Variants in EHD2 observed in about 807,000 individuals in gnomAD.
EHD2 encodes EH domain-containing protein 2.
EHD2 carries 27 observed loss-of-function variants against 41.0 expected under a neutral mutation model. The observed-to-expected ratio is 0.66, with a 90% CI of 0.49 to 0.91. The LOEUF is 0.91. Among genes scored for constraint, EHD2 ranks in the 40% least tolerant of loss-of-function variants. The pLI, the probability that EHD2 is intolerant of heterozygous loss-of-function variation, is 0.00. For synonymous variants in EHD2, 342 were observed against 341.0 expected, an observed-to-expected ratio of 1.00 and a Z score of -0.03; for missense variants, 673 against 773.9, an observed-to-expected ratio of 0.87 and a Z score of 1.55.
At chr19:47,713,911 C>T (rs1449704169) in intron 1 of EHD2, among the ~76,000 whole-genome samples, 1 of 151,942 alleles carries the variant, frequency 6.6e-6, no homozygotes, top group African/African-American at 2.4e-5. Flanking sequence ...CCTCTCCTGC[C>T]TCACCAGCTC....
At chr19:47,739,858 C>T (rs982825538) in intron 5 of EHD2, among the ~76,000 whole-genome samples, 13 of 151,728 alleles carry the variant, frequency 8.6e-5, no homozygotes, top group African/African-American at 3.1e-4. Flanking sequence ...GAAAGCTATA[C>T]TTGATGCGAA....
rs187422827 is a variant in EHD2 at position 47,719,051 on chromosome 19, G to A, written c.502+445G>A. Among the ~76,000 whole-genome samples the A allele has an allele frequency of 2.0e-5, 3 of 152,302 alleles. No individual in the cohort carries two copies. Among genetic ancestry groups the A allele is most frequent in the Non-Finnish European group, 2.9e-5 (2 of 68,010 alleles). On this transcript the variant is annotated intron_variant, in intron 3 of 5. Coordinates refer to ENST00000263277, the MANE Select transcript of EHD2 (RefSeq NM_014601.4). The surrounding 1 kb of genome is among the most constrained non-coding windows in gnomAD (Gnocchi z 4.1). ...CCTGTGTCCTCTGGCCCTGGCTGGC[G>A]GGGCAGCCGCAGGGAGCTAGTGGAA...
At chr19:47,728,103 A>T (rs983788576) in intron 4 of EHD2, among the ~76,000 whole-genome samples, 1 of 150,342 alleles carries the variant, frequency 6.7e-6, no homozygotes, top group East Asian at 1.9e-4. Context: ...CTCAAAATAA[A>T]AAAAAAAAAA....
chr19:47,716,233 C>A (rs1973623512), intron 1 of EHD2, among the ~76,000 whole-genome samples: 1 of 151,972 alleles, frequency 6.6e-6, no homozygotes, highest in Admixed American at 6.6e-5. Flanking sequence ...CATGCACCAC[C>A]ATGCCCAGCT....
At position 47,725,912 on chromosome 19, in the gene EHD2, A is replaced by T. The variant is rs8111184; in HGVS notation, c.603A>T (p.Ser201=). 1 of 1,613,742 alleles carries T rather than the reference A, an allele frequency of 6.2e-7. No homozygotes were observed. Among genetic ancestry groups the T allele is most frequent in the Non-Finnish European group, 8.5e-7 (1 of 1,179,708 alleles). ...AGCTGGAGATCTCGGACGAGTTCTC[A>T]GAGGCCATCGGCGCGTTGCGGGGCC... is the stretch of plus-strand genomic sequence containing the variant. ...AHKLEISDEF[S]EAIGALRGHE... The change falls in exon 4 of 6, where the codon TCA becomes TCT. Residue 201 remains serine (S), a synonymous_variant. Coordinates refer to ENST00000263277, the MANE Select transcript of EHD2 (RefSeq NM_014601.4).
chr19:47,720,956 G>C (rs931207208), intron 3 of EHD2, among the ~76,000 whole-genome samples: 1 of 152,048 alleles, frequency 6.6e-6, no homozygotes, highest in East Asian at 1.9e-4. Context: ...GTGTGCGACT[G>C]TGTCTGTGTG....
At chr19:47,730,496 C>T (rs967476114) in intron 4 of EHD2, among the ~76,000 whole-genome samples, 1 of 152,102 alleles carries the variant, frequency 6.6e-6, no homozygotes, top group Non-Finnish European at 1.5e-5. Flanking sequence ...CGTGTCGCAC[C>T]CCCACCCCTG....
intron 4 of EHD2, chr19:47,731,314 A>ATACATATATATATAT (rs1160770476): frequency 2.6e-5 from 3 of 113,992 alleles, no homozygotes; most frequent in Non-Finnish European, 3.9e-5. Flanking sequence ...ATATATATAT[A>ATACATATATATATAT]ATTTTTTTTT....
Position 47,726,379 on chromosome 19 carries a change from C to G in EHD2, c.915+155C>G, listed in dbSNP as rs182172239. The G allele has an allele frequency of 3.0e-5, 25 of 842,544 alleles. No homozygotes were observed. In the African/African-American group the frequency reaches 3.6e-4, roughly 12 times the overall value. 52.2% of individuals were successfully genotyped at this position (842,544 alleles called of 1,614,324 possible). ...CACAGAGTGAAGCCGGGAGGAAGAA[C>G]TGTATGGAGAGACTCATTCCTCTGC... On this transcript the variant is annotated intron_variant, in intron 4 of 5. Transcript: ENST00000263277.
At chr19:47,733,839 T>C (rs1422505405) in intron 4 of EHD2, among the ~76,000 whole-genome samples, 1 of 149,678 alleles carries the variant, frequency 6.7e-6, no homozygotes, top group Non-Finnish European at 1.5e-5. Flanking sequence ...GTCTTAGTAT[T>C]GTTCTTAAAA....
Position 47,725,936 on chromosome 19 carries a change from C to T in EHD2, c.627C>T (p.Gly209=), listed in dbSNP as rs190123450. ...EFSEAIGALR[G]HEDKIRVVLN... ...CAGAGGCCATCGGCGCGTTGCGGGGCCATGAGGACAAGATCCGCGTGGTGC... is the reference window on the plus strand; with the variant it reads ...CAGAGGCCATCGGCGCGTTGCGGGGTCATGAGGACAAGATCCGCGTGGTGC... Residue 209 remains glycine, a synonymous_variant, in exon 4 of 6, where the codon GGC becomes GGT. Coordinates refer to ENST00000263277, the MANE Select transcript of EHD2 (RefSeq NM_014601.4). 1.1e-5 allele frequency: 17 copies of T among 1,613,962 alleles called. No homozygotes were observed. The East Asian group carries it at 3.6e-4, about 34-fold the overall frequency.
At chr19:47,718,889 AG>A (rs1479502429) in intron 3 of EHD2, among the ~76,000 whole-genome samples, 7 of 104,482 alleles carry the variant, frequency 6.7e-5, no homozygotes, top group African/African-American at 2.8e-4. Context: ...GGTCTGAGGG[AG>A]GAGGAGCTGG....
intron 3 of EHD2, among the ~76,000 whole-genome samples, chr19:47,722,011 C>G (rs1375568892): frequency 2.3e-5 from 1 of 42,608 alleles, no homozygotes; most frequent in East Asian, 5.0e-4. Context: ...AAAAACAAAA[C>G]ACACACACAC....
Position 47,742,164 on chromosome 19 carries a change from C to CT in EHD2, c.*738dup, listed in dbSNP as rs1425695588. 1 of 338,300 alleles carries CT rather than the reference C, an allele frequency of 3.0e-6. No individual in the cohort carries two copies. Among genetic ancestry groups the CT allele is most frequent in the South Asian group, 2.3e-5 (1 of 44,386 alleles). 21.0% of individuals were successfully genotyped at this position (338,300 alleles called of 1,614,324 possible). On this transcript the variant is annotated 3_prime_UTR_variant, in exon 6 of 6. Transcript: ENST00000263277. Reference sequence around the variant, plus strand: ...CCTTCTTTTCTTTCCTTCCTTCCTTCTTTTTTGTTTTTGCCCCCAATTCTG... The same window carrying CT: ...CCTTCTTTTCTTTCCTTCCTTCCTTCTTTTTTTGTTTTTGCCCCCAATTCTG...
At position 47,742,918 on chromosome 19, in the gene EHD2, CG is replaced by C. The variant is rs1234232293; in HGVS notation, c.*1487del. ...CCTCTCCCCACCCCTAAAGGGACGCCGACGCTGTTTGCTGCCTTCACCACAT... is the reference window on the plus strand; with the variant it reads ...CCTCTCCCCACCCCTAAAGGGACGCCACGCTGTTTGCTGCCTTCACCACAT... On this transcript the variant is annotated 3_prime_UTR_variant, in exon 6 of 6. Transcript: ENST00000263277. The C allele has an allele frequency of 6.6e-6, 1 of 152,668 alleles. No individual in the cohort carries two copies. Among genetic ancestry groups the C allele is most frequent in the Non-Finnish European group, 1.5e-5 (1 of 68,086 alleles). The allele number at this position is 152,668 out of a possible 1,614,324, so 9.5% of individuals were successfully genotyped here. A position where few individuals can be genotyped will look rare whatever the true frequency, so the allele number is the denominator to read the frequency against.
chr19:47,716,178 A>G (rs1599884717), intron 1 of EHD2, among the ~76,000 whole-genome samples: 1 of 149,930 alleles, frequency 6.7e-6, no homozygotes, highest in African/African-American at 2.5e-5. Flanking sequence ...TCCTGAGCTC[A>G]AGCAATCCTC....
intron 4 of EHD2, chr19:47,731,290 A>ATG (rs1169720501): frequency 1.1e-5 from 1 of 93,290 alleles, no homozygotes; most frequent in Non-Finnish European, 2.6e-5. Flanking sequence ...ATATATATAT[A>ATG]TATATATATA....
chr19:47,716,477 C>T, intron 1 of EHD2, 81 bp from the exon 2 acceptor site: 1 of 964,226 alleles, frequency 1.0e-6, no homozygotes, highest in Admixed American at 3.1e-5. Flanking sequence ...CCCATCCTGT[C>T]ACCCAGACAG....
chr19:47,716,372 T>C (rs1973624669), intron 1 of EHD2, among the ~76,000 whole-genome samples, 186 bp from the exon 2 acceptor site: 1 of 152,052 alleles, frequency 6.6e-6, no homozygotes, highest in Non-Finnish European at 1.5e-5. Flanking sequence ...CCATCGCGCC[T>C]GGCCCAATTC....
Sources: gnomAD v4.1 joint callset for allele counts (sites outside exome capture counted in the v4.1 genomes callset) on GRCh38, gnomAD v4.1.1 for gene constraint, Gnocchi (gnomAD v3.1) non-coding constraint, MANE v1.5 for transcripts, NCBI Gene and HGNC (gene_info 2026-07-23, HGNC 2026-07-21) for gene names.